Variants in MDGA2 observed in about 807,000 individuals in gnomAD.
MDGA2 encodes the protein MAM domain-containing glycosylphosphatidylinositol anchor protein 2.
In MDGA2, 40 loss-of-function variants were observed where a neutral mutation model predicts 117.8. The ratio of observed to expected loss-of-function variants is 0.34; its 90% CI spans 0.26 to 0.44. The LOEUF is 0.44. Ranked by LOEUF, MDGA2 falls within the 20% of genes least tolerant of loss-of-function variation. The pLI is 1.00. For synonymous variants in MDGA2, 452 were observed against 439.0 expected, an observed-to-expected ratio of 1.03 and a Z score of -0.37; for missense variants, 1,123 against 1,250.6, an observed-to-expected ratio of 0.90 and a Z score of 1.54.
chr14:47,118,702 G>C (rs1455667181), intron 5 of MDGA2, among the ~76,000 whole-genome samples: 1 of 152,094 alleles, frequency 6.6e-6, no homozygotes, highest in East Asian at 1.9e-4. Flanking sequence ...TTGAAAGTTA[G>C]ACCCATATTA....
intron 1 of MDGA2, among the ~76,000 whole-genome samples, chr14:47,578,818 T>C (rs914711368): frequency 2.0e-5 from 3 of 152,160 alleles, no homozygotes; most frequent in African/African-American, 7.2e-5. Context: ...TGCTATGCTG[T>C]TGATACATCA....
intron 9 of MDGA2, among the ~76,000 whole-genome samples, chr14:46,920,443 G>A (rs1188760865): frequency 6.6e-6 from 1 of 152,170 alleles, no homozygotes; most frequent in Non-Finnish European, 1.5e-5. Flanking sequence ...GAAATCTGGA[G>A]AAAGAAGATC....
chr14:47,658,783 G>C (rs142925806), intron 1 of MDGA2, among the ~76,000 whole-genome samples: 141 of 152,236 alleles, frequency 9.3e-4, no homozygotes, highest in Admixed American at 3.4e-3. Context: ...TATTGGCTCT[G>C]CCCCAGGGGC....
intron 2 of MDGA2, among the ~76,000 whole-genome samples, chr14:47,246,309 C>T (rs893376568): frequency 6.6e-5 from 10 of 151,726 alleles, no homozygotes; most frequent in African/African-American, 1.5e-4. Flanking sequence ...GTCCTTCCCC[C>T]GATCCTGATC....
intron 8 of MDGA2, among the ~76,000 whole-genome samples, chr14:46,989,082 T>C (rs769154835): frequency 2.0e-5 from 3 of 152,088 alleles, no homozygotes; most frequent in Non-Finnish European, 4.4e-5. Context: ...GAACAAAAAA[T>C]TACTCATTAC....
At chr14:47,310,087 T>C (rs1470761747) in intron 1 of MDGA2, among the ~76,000 whole-genome samples, 1 of 152,100 alleles carries the variant, frequency 6.6e-6, no homozygotes, top group Non-Finnish European at 1.5e-5. Context: ...CAAAGCAATA[T>C]CAATTCTAAA....
chr14:47,333,682 C>T (rs900252569), intron 1 of MDGA2, among the ~76,000 whole-genome samples: 1 of 151,648 alleles, frequency 6.6e-6, no homozygotes, highest in Non-Finnish European at 1.5e-5. Flanking sequence ...TTTATTTCTC[C>T]CAATTTCCAC....
chr14:47,657,475 A>G (rs941643016), intron 1 of MDGA2, among the ~76,000 whole-genome samples: 1 of 152,030 alleles, frequency 6.6e-6, no homozygotes, highest in Non-Finnish European at 1.5e-5. Flanking sequence ...GCTGCTGCTA[A>G]ATGTCCAACC....
At chr14:46,915,042 C>T (rs1448292844) in intron 10 of MDGA2, among the ~76,000 whole-genome samples, 2 of 152,226 alleles carry the variant, frequency 1.3e-5, no homozygotes, top group African/African-American at 4.8e-5. Flanking sequence ...ACATGCCTAA[C>T]TCAGTGTATT....
intron 6 of MDGA2, among the ~76,000 whole-genome samples, chr14:47,077,586 T>A (rs776818471): frequency 1.2e-4 from 19 of 152,124 alleles, no homozygotes; most frequent in Non-Finnish European, 2.1e-4. Context: ...TACCTAGCCA[T>A]GTTCTAAGAA....
At chr14:47,413,256 AT>A (rs1426167244) in intron 1 of MDGA2, among the ~76,000 whole-genome samples, 3 of 152,348 alleles carry the variant, frequency 2.0e-5, no homozygotes, top group African/African-American at 7.2e-5. Flanking sequence ...AATTACTCGT[AT>A]ATAGGCTGGA....
At chr14:46,950,724 T>C (rs1245303599) in intron 9 of MDGA2, among the ~76,000 whole-genome samples, 2 of 152,110 alleles carry the variant, frequency 1.3e-5, no homozygotes, top group South Asian at 2.1e-4. Context: ...CTGATAGTTA[T>C]TAATGATTTT....
At chr14:47,325,461 G>A (rs1455987763) in intron 1 of MDGA2, among the ~76,000 whole-genome samples, 1 of 152,074 alleles carries the variant, frequency 6.6e-6, no homozygotes, top group African/African-American at 2.4e-5. Flanking sequence ...CTTGGGTCAG[G>A]GTACCCAAGG....
intron 1 of MDGA2, among the ~76,000 whole-genome samples, chr14:47,409,960 G>A (rs1238936386): frequency 6.6e-6 from 1 of 152,166 alleles, no homozygotes; most frequent in Non-Finnish European, 1.5e-5. Flanking sequence ...AGTCTGTGAA[G>A]TATGTACGAT....
intron 1 of MDGA2, among the ~76,000 whole-genome samples, chr14:47,567,874 G>A (rs938964220): frequency 1.3e-5 from 2 of 152,034 alleles, no homozygotes; most frequent in Non-Finnish European, 2.9e-5. Flanking sequence ...ACTATGAATT[G>A]TCAGATTGTC....
rs567936602 is a variant in MDGA2, at chr14:46,884,644, G to T, written c.2239-2423C>A. 5.3e-5 allele frequency among the ~76,000 whole-genome samples: 8 copies of T among 152,142 alleles called. No individual in the cohort carries two copies. The highest frequency in any genetic ancestry group is 1.9e-4 in the African/African-American group (8 of 41,520). ...AGAAAGCCCAAATATAAAATATATAGAGTGTCTGCACAGAAGAGAGAAAAA... is the reference window on the plus strand; with the variant it reads ...AGAAAGCCCAAATATAAAATATATATAGTGTCTGCACAGAAGAGAGAAAAA... On this transcript the variant is annotated intron_variant, in intron 10 of 16. Transcript: ENST00000399232. The surrounding 1 kb of genome is among the most constrained non-coding windows in gnomAD (Gnocchi z 4.1).
At chr14:47,576,762 A>G (rs1896122809) in intron 1 of MDGA2, among the ~76,000 whole-genome samples, 1 of 152,104 alleles carries the variant, frequency 6.6e-6, no homozygotes, top group Non-Finnish European at 1.5e-5. Flanking sequence ...TCTGTGCATC[A>G]GTGTATCAGT....
At chr14:47,317,990 C>A (rs1889860497) in intron 1 of MDGA2, among the ~76,000 whole-genome samples, 2 of 152,056 alleles carry the variant, frequency 1.3e-5, no homozygotes, top group South Asian at 4.1e-4. Context: ...AATGGCAATA[C>A]CATCGGAAAT....
chr14:47,308,056 T>A (rs1204031901), intron 1 of MDGA2, among the ~76,000 whole-genome samples: 1 of 152,060 alleles, frequency 6.6e-6, no homozygotes, highest in African/African-American at 2.4e-5. Flanking sequence ...TTACATACCA[T>A]GGAGTTGTCA....
Sources: gnomAD v4.1 joint callset for allele counts (sites outside exome capture counted in the v4.1 genomes callset) on GRCh38, gnomAD v4.1.1 for gene constraint, Gnocchi (gnomAD v3.1) non-coding constraint, MANE v1.5 for transcripts, NCBI Gene and HGNC (gene_info 2026-07-23, HGNC 2026-07-21) for gene names.